TNKS1BP1: variants seen among roughly 807,000 people sequenced by gnomAD.
TNKS1BP1 encodes CCR4-NOT transcription complex subunit 12, also known as 182 kDa tankyrase-1-binding protein.
A neutral mutation model predicts 141.1 loss-of-function variants in TNKS1BP1; 48 were observed. That is an observed-to-expected ratio of 0.34 (90% CI 0.27 to 0.43). TNKS1BP1 has a LOEUF of 0.43. Among genes scored for constraint, TNKS1BP1 ranks in the 20% least tolerant of loss-of-function variants. The pLI, the probability that TNKS1BP1 is intolerant of heterozygous loss-of-function variation, is 1.00. For missense variants in TNKS1BP1, 2,149 were observed against 2,226.0 expected (o/e 0.97, Z 0.70); for synonymous variants, 875 against 898.2 (o/e 0.97, Z 0.46).
At chr11:57,303,163 C>T (rs1480453528) in intron 6 of TNKS1BP1, 2 of 260,958 alleles carry the variant, frequency 7.7e-6, no homozygotes, top group Non-Finnish European at 1.4e-5. Context: ...GCAGAAGCAG[C>T]AGCCATTATT....
At position 57,302,864 on chromosome 11, in the gene TNKS1BP1, G is replaced by A. The variant is rs200388507; in HGVS notation, c.4317-39C>T. 5.2e-5 allele frequency: 77 copies of A among 1,478,864 alleles called. No individual in the cohort carries two copies. The East Asian group carries it at 1.8e-3, about 34-fold the overall frequency. The allele number at this position is 1,478,864 out of a possible 1,614,324, so 91.6% of individuals were successfully genotyped here. ...AGAGAGAGAACGAGATCATCGTAAG[G>A]CCCCATCTCCCTGCCCTGAAGCCTA... On this transcript the variant is annotated intron_variant, in intron 6 of 11. Transcript: ENST00000358252. This position sits in a 1 kb window ranked among gnomAD's most constrained non-coding sequence, Gnocchi z 5.5.
chr11:57,318,086 ACAGTGCTTATT>A (rs1441644677), intron 3 of TNKS1BP1, among the ~76,000 whole-genome samples, 199 bp from the exon 4 acceptor site: 4 of 152,308 alleles, frequency 2.6e-5, no homozygotes, highest in African/African-American at 9.6e-5. Context: ...GCCCCAGAAA[ACAGTGCTTATT>A]CCCTACCTGA....
rs965637866 is a variant in TNKS1BP1, at chr11:57,300,483, C to A, written c.*12+45G>T. 19 of 1,593,068 alleles carry A rather than the reference C, an allele frequency of 1.2e-5. 1 individual carries two copies. The Admixed American group carries it at 2.3e-4, about 20-fold the overall frequency. On this transcript the variant is annotated intron_variant, in intron 11 of 11. Coordinates refer to ENST00000358252, the MANE Select transcript of TNKS1BP1 (RefSeq NM_033396.3). ...CATGAGGCCTCCGAAGCCTCCAGGG[C>A]AGGCCCTCCTCAGACTGGATCCAAG...
At chr11:57,307,271 C>T (rs75419177) in intron 6 of TNKS1BP1, among the ~76,000 whole-genome samples, 12,599 of 152,104 alleles carry the variant, frequency 0.083, 1,259 homozygotes, top group African/African-American at 0.24. Context: ...GCAACCTGCC[C>T]AGGACCACAA....
rs1016118281 is a variant in TNKS1BP1, at chr11:57,313,474, G to A, written c.1214C>T (p.Pro405Leu). Residue 405 changes from proline (P) to leucine (L), a missense_variant, in exon 5 of 12, where the codon CCA (proline) becomes CTA (leucine). Physicochemically the swap from Pro to Leu is moderately conservative, Grantham distance 98. Transcript: ENST00000358252. The part of the protein sequence containing the change: ...GELLDLTRTF[P>L]SGGEEEAKGD... Reference sequence around the variant, plus strand: ...CTTGGCCTCCTCCTCCCCGCCAGATGGAAACGTCCGAGTGAGATCCAGCAA... The same window carrying A: ...CTTGGCCTCCTCCTCCCCGCCAGATAGAAACGTCCGAGTGAGATCCAGCAA... 1 of 1,586,526 alleles carries A rather than the reference G, an allele frequency of 6.3e-7. No homozygotes were observed. The highest frequency in any genetic ancestry group is 8.6e-7 in the Non-Finnish European group (1 of 1,165,426).
At chr11:57,316,852 T>C (rs1855806606) in intron 4 of TNKS1BP1, among the ~76,000 whole-genome samples, 1 of 152,204 alleles carries the variant, frequency 6.6e-6, no homozygotes, top group Non-Finnish European at 1.5e-5. Flanking sequence ...CCCATGCCTC[T>C]CCTGCAAACC....
intron 6 of TNKS1BP1, among the ~76,000 whole-genome samples, chr11:57,306,626 G>A (rs1310070055): frequency 1.3e-5 from 2 of 152,248 alleles, no homozygotes; most frequent in Middle Eastern, 3.4e-3. Context: ...TAGGAGCCAC[G>A]CTTTCTGTTG....
intron 3 of TNKS1BP1, 68 bp downstream of exon 3, chr11:57,320,011 G>GCCCCCCCCCCAAACCCCCCCC: frequency 7.7e-7 from 1 of 1,296,682 alleles, no homozygotes; most frequent in Non-Finnish European, 1.1e-6. Flanking sequence ...TTGGTCCCCA[G>GCCCCCCCCCCAAACCCCCCCC]CCCCCACCCA....
intron 1 of TNKS1BP1, chr11:57,322,328 T>C (rs1855901169): frequency 2.0e-6 from 2 of 989,710 alleles, no homozygotes; most frequent in Admixed American, 5.8e-5. Context: ...AGTCTGTCTG[T>C]GAATCACCTC....
intron 4 of TNKS1BP1, among the ~76,000 whole-genome samples, chr11:57,315,083 C>A (rs1353762965): frequency 6.6e-6 from 1 of 152,142 alleles, no homozygotes; most frequent in Non-Finnish European, 1.5e-5. Flanking sequence ...ATCTCCATAG[C>A]CAGATGCGAC....
In TNKS1BP1 at chr11:57,320,812, G is replaced by A; in HGVS notation, c.95-100C>T. The A allele has an allele frequency of 5.9e-6, 8 of 1,347,948 alleles. No homozygotes were observed. In the South Asian group the frequency reaches 6.3e-5, roughly 11 times the overall value. The allele number at this position is 1,347,948 out of a possible 1,614,324, so 83.5% of individuals were successfully genotyped here. On this transcript the variant is annotated intron_variant, in intron 2 of 11. Transcript: ENST00000358252. ...CCTCATCTCCCACCCTCCGATTTAA[G>A]AATATTCACATCTTTCTAGGCACAA...
Position 57,310,494 on chromosome 11 carries a change from C to A in TNKS1BP1, c.2217G>T (p.Gln739His), listed in dbSNP as rs775841984. Residue 739 changes from glutamine to histidine, a missense_variant, in exon 6 of 12, where the codon CAG becomes CAT. Coordinates refer to ENST00000358252, the MANE Select transcript of TNKS1BP1 (RefSeq NM_033396.3). The part of the protein sequence containing the change: ...QSEFGITGDP[Q>H]PSSFSPSSWC... ...AGCTGGAAGGACTGAAACTGCTGGGCTGTGGGTCTCCTGTGATCCCAAATT... is the reference window on the plus strand; with the variant it reads ...AGCTGGAAGGACTGAAACTGCTGGGATGTGGGTCTCCTGTGATCCCAAATT... The A allele has an allele frequency of 6.2e-7, 1 of 1,611,062 alleles. No individual in the cohort carries two copies. Among genetic ancestry groups the A allele is most frequent in the South Asian group, 1.1e-5 (1 of 91,084 alleles).
chr11:57,321,373 G>A (rs1243672958), intron 2 of TNKS1BP1, among the ~76,000 whole-genome samples: 1 of 151,990 alleles, frequency 6.6e-6, no homozygotes, highest in African/African-American at 2.4e-5. Context: ...AATGACCTTG[G>A]AAGTACCCTC....
Position 57,313,798 on chromosome 11 carries a change from G to A in TNKS1BP1, c.890C>T (p.Ser297Leu), listed in dbSNP as rs760867761. The A allele has an allele frequency of 5.1e-6, 8 of 1,583,228 alleles. No homozygotes were observed. Among genetic ancestry groups the A allele is most frequent in the Non-Finnish European group, 6.0e-6 (7 of 1,166,690 alleles). Residue 297 changes from serine to leucine, a missense_variant, in exon 5 of 12, where the codon TCA (serine) becomes TTA (leucine). Transcript: ENST00000358252. ...SPGLPAEASG[S>L]GPGSPHLHPP... ...GTGAAGATGGGGAGAGCCAGGGCCT[G>A]AGCCTGAGGCTTCTGCGGGGAGGCC...
At chr11:57,323,191 C>G (rs61560469) in intron 1 of TNKS1BP1, among the ~76,000 whole-genome samples, 30 of 152,118 alleles carry the variant, frequency 2.0e-4, no homozygotes, top group Non-Finnish European at 3.5e-4. Context: ...GAGCTAACAT[C>G]CCTGATAACC....
At chr11:57,321,983 G>C in intron 1 of TNKS1BP1, 33 bp from the exon 2 acceptor site, 3 of 1,465,480 alleles carry the variant, frequency 2.0e-6, no homozygotes, top group Admixed American at 2.3e-5. Context: ...AGGAAAAAAA[G>C]AGTTGGGCGT....
At position 57,320,330 on chromosome 11, in the gene TNKS1BP1, G is replaced by C. The variant is rs1213366519; in HGVS notation, c.477C>G (p.Thr159=). Residue 159 remains threonine, a synonymous_variant, in exon 3 of 12, where the codon ACC becomes ACG. Transcript: ENST00000358252. ...TCTTGGCCAGGATCTCTTCCACCGT[G>C]GTGGCCGCGAAGCGCTCTGAGGCTG... is the stretch of plus-strand genomic sequence containing the variant. ...FRPASERFAA[T]TVEEILAKME... 4.3e-6 allele frequency: 7 copies of C among 1,614,212 alleles called. No homozygotes were observed. Among genetic ancestry groups the C allele is most frequent in the Non-Finnish European group, 5.9e-6 (7 of 1,180,044 alleles).
rs1855526875 is a variant in TNKS1BP1, at chr11:57,301,729, T to C, written c.4971+78A>G. The C allele has an allele frequency of 1.9e-6, 3 of 1,543,258 alleles. No homozygotes were observed. In the African/African-American group the frequency reaches 4.1e-5, roughly 21 times the overall value. ...GGGGACAGGGGAATGAATTGATGGATGAAGAGAAGAAAGACAGCATGCAAG... is the reference window on the plus strand; with the variant it reads ...GGGGACAGGGGAATGAATTGATGGACGAAGAGAAGAAAGACAGCATGCAAG... On this transcript the variant is annotated intron_variant, in intron 9 of 11. Coordinates refer to ENST00000358252, the MANE Select transcript of TNKS1BP1 (RefSeq NM_033396.3).
chr11:57,320,435 T>C lies in TNKS1BP1; in HGVS notation c.372A>G (p.Lys124=), dbSNP rs1565046937. Residue 124 remains lysine (K), a synonymous_variant, in exon 3 of 12, where the codon AAA becomes AAG. Transcript: ENST00000358252. The part of the protein sequence containing the change: ...TQETGKEEAG[K]EEPPPLTPPA... ...GGGGTGTCAAAGGGGGTGGCTCCTC[T>C]TTCCCAGCCTCCTCTTTCCCAGTCT... 1.2e-6 allele frequency: 2 copies of C among 1,608,452 alleles called. No individual in the cohort carries two copies. The highest frequency in any genetic ancestry group is 1.7e-6 in the Non-Finnish European group (2 of 1,176,062).
Sources: gnomAD v4.1 joint callset for allele counts (sites outside exome capture counted in the v4.1 genomes callset) on GRCh38, gnomAD v4.1.1 for gene constraint, Gnocchi (gnomAD v3.1) non-coding constraint, MANE v1.5 for transcripts, NCBI Gene and HGNC (gene_info 2026-07-23, HGNC 2026-07-21) for gene names.